PITPNM1: variants seen among roughly 807,000 people sequenced by gnomAD.
The protein encoded by PITPNM1 is phosphatidylinositol transfer protein membrane associated 1.
In PITPNM1, 74 loss-of-function variants were observed where a neutral mutation model predicts 133.3. The observed-to-expected ratio is 0.56, with a 90% confidence interval of 0.46 to 0.67. The LOEUF (loss-of-function observed/expected upper bound fraction) is 0.67. Ranked by LOEUF, PITPNM1 falls within the 30% of genes least tolerant of loss-of-function variation. The pLI is 0.00. For synonymous variants in PITPNM1, 738 were observed against 741.4 expected (o/e 1.00, Z 0.08); for missense variants, 1,398 against 1,739.5 (o/e 0.80, Z 3.49).
In PITPNM1 at chr11:67,499,777, A is replaced by G; in HGVS notation, c.1117T>C (p.Ser373Pro). ...VFPKEMTKWNSNDFIDAFASP... is the reference protein window; with the variant it reads ...VFPKEMTKWNPNDFIDAFASP... ...GCAAAGGCATCAATGAAGTCATTGG[A>G]GTTCCACTTGGTCATCTCCTTGGGG... The change falls in exon 8 of 24, where the codon TCC (serine) becomes CCC (proline). Residue 373 changes from serine (S) to proline (P), a missense_variant. Around this residue, in one of 5 missense-constraint regions of PITPNM1, gnomAD observed 195 missense variants for 178.8 expected, o/e 1.09. Transcript: ENST00000356404. 2 of 1,527,252 alleles carry G rather than the reference A, an allele frequency of 1.3e-6. No homozygotes were observed. Among genetic ancestry groups the G allele is most frequent in the Non-Finnish European group, 1.8e-6 (2 of 1,133,534 alleles). The allele number at this position is 1,527,252 out of a possible 1,614,324, so 94.6% of individuals were successfully genotyped here.
At chr11:67,505,750 G>A (rs951870470), upstream of PITPNM1, among the ~76,000 whole-genome samples, 3 of 152,206 alleles carry the variant, frequency 2.0e-5, no homozygotes, top group Non-Finnish European at 4.4e-5. This position sits in a 1 kb window ranked among gnomAD's most constrained non-coding sequence, Gnocchi z 5.8. Context: ...CCAGAAGCTG[G>A]TGGCTCTGAC....
At chr11:67,493,104 C>T (rs1375282846) in intron 22 of PITPNM1, 42 bp from the exon 23 acceptor site, 2 of 1,609,982 alleles carry the variant, frequency 1.2e-6, no homozygotes, top group Non-Finnish European at 8.5e-7. Flanking sequence ...GGGGTGGAGC[C>T]GTGCAGCTGG....
chr11:67,497,787 G>A (rs1391589556), intron 12 of PITPNM1, 108 bp from the exon 13 acceptor site: 1 of 1,514,426 alleles, frequency 6.6e-7, no homozygotes, highest in Non-Finnish European at 9.0e-7. Flanking sequence ...CAGAATTCCA[G>A]AGAAGACATG....
At position 67,495,143 on chromosome 11, in the gene PITPNM1, CG is replaced by C. The variant is rs765238973; in HGVS notation, c.2564del (p.Thr855SerfsTer24). On this transcript the variant is annotated frameshift_variant, in exon 17 of 24. Transcript: ENST00000356404. LOFTEE classifies it high-confidence loss of function. Reference sequence around the variant, plus strand: ...AGCTGGCGTGGAAGAGGTGGGGCAGCGTGACGGTGGGAAAGGCGGTGAGCGC... The same window carrying C: ...AGCTGGCGTGGAAGAGGTGGGGCAGCTGACGGTGGGAAAGGCGGTGAGCGC... ...PEALTAFPTVTLPHLFHASYW... is the reference protein window; with the variant it reads ...PEALTAFPTVXLPHLFHASYW... 4 of 1,612,388 alleles carry C rather than the reference CG, an allele frequency of 2.5e-6. No homozygotes were observed. The highest frequency in any genetic ancestry group is 3.4e-6 in the Non-Finnish European group (4 of 1,179,880).
chr11:67,493,008 C>T lies in PITPNM1; in HGVS notation c.3397G>A (p.Ala1133Thr), dbSNP rs1260633485. ...TGGCTCGGGGACAGCCCCAGCGCCG[C>T]GTATACAGCCACATCTTTGGGAGAC... ...YGSPKDVAVY[A>T]ALGLSPSQTY... Residue 1133 changes from alanine to threonine, a missense_variant, in exon 23 of 24, where the codon GCG (alanine) becomes ACG (threonine). Ala to Thr is a moderately conservative substitution (Grantham distance 58). This residue lies in a region of PITPNM1 where 233 missense variants were observed against 378.0 expected (regional missense o/e 0.62). Transcript: ENST00000356404. 3 of 1,612,986 alleles carry T rather than the reference C, an allele frequency of 1.9e-6. No individual in the cohort carries two copies. Among genetic ancestry groups the T allele is most frequent in the South Asian group, 1.1e-5 (1 of 91,090 alleles).
At chr11:67,494,443 CA>C (rs1866039911) in intron 18 of PITPNM1, 83 bp from the exon 19 acceptor site, 3 of 594,732 alleles carry the variant, frequency 5.0e-6, no homozygotes, top group Non-Finnish European at 7.8e-6. Context: ...GATCCACACG[CA>C]AACACCGGGG....
At position 67,492,064 on chromosome 11, in the gene PITPNM1, C is replaced by T; in HGVS notation, c.3704G>A (p.Ser1235Asn). 1 of 1,612,540 alleles carries T rather than the reference C, an allele frequency of 6.2e-7. No individual in the cohort carries two copies. Among genetic ancestry groups the T allele is most frequent in the Non-Finnish European group, 8.5e-7 (1 of 1,179,880 alleles). ...CTCGCTGTCCAGCTTCAGGCTGATG[C>T]TCCGTGCTTTGCCCCGTGCCAGGGT... is the stretch of plus-strand genomic sequence containing the variant. ...PTTLARGKAR[S>N]ISLKLDSEE Residue 1235 changes from serine to asparagine, a missense_variant, in exon 24 of 24, where the codon AGC becomes AAC. This residue lies in a region of PITPNM1 where 122 missense variants were observed against 123.3 expected (regional missense o/e 0.99). Transcript: ENST00000356404.
At position 67,502,750 on chromosome 11, in the gene PITPNM1, T is replaced by A. The variant is rs771922059; in HGVS notation, c.79-32A>T. The A allele has an allele frequency of 6.3e-7, 1 of 1,595,778 alleles. No homozygotes were observed. Among genetic ancestry groups the A allele is most frequent in the African/African-American group, 1.3e-5 (1 of 74,610 alleles). On this transcript the variant is annotated intron_variant, in intron 2 of 23. Coordinates refer to ENST00000356404, the MANE Select transcript of PITPNM1 (RefSeq NM_004910.3). The surrounding 1 kb of genome is among the most constrained non-coding windows in gnomAD (Gnocchi z 5.9). ...CCCAAGGGAGAGCAGGACAGGGAGC[T>A]CAGCCCCAGCTTAGCATCTGGGATC...
intron 8 of PITPNM1, 140 bp from the exon 9 acceptor site, chr11:67,499,141 C>T (rs1866232158): frequency 3.8e-6 from 3 of 784,468 alleles, no homozygotes; most frequent in Non-Finnish European, 6.0e-6. Flanking sequence ...CCCACCAACT[C>T]TCCCAGGTCA....
rs767090343 is a variant in PITPNM1, at chr11:67,493,585, T to C, written c.3167A>G (p.Gln1056Arg). 1.3e-6 allele frequency: 2 copies of C among 1,549,426 alleles called. No homozygotes were observed. Among genetic ancestry groups the C allele is most frequent in the Non-Finnish European group, 1.7e-6 (2 of 1,145,412 alleles). Residue 1056 changes from glutamine to arginine, a missense_variant, in exon 22 of 24, where the codon CAG (glutamine) becomes CGG (arginine). Gln to Arg is a conservative substitution (Grantham distance 43). Transcript: ENST00000356404. ...AGAVDVVRHWQDSGYLIVYVT... is the reference protein window; with the variant it reads ...AGAVDVVRHWRDSGYLIVYVT... The stretch of plus-strand genomic sequence containing the variant: ...ATACACGATCAGGTAGCCGGAGTCC[T>C]GCCAGTGCCTGTGGGGCGGGGGCAG...
chr11:67,502,507 G>A lies in PITPNM1; in HGVS notation c.290C>T (p.Thr97Ile). 1 of 1,613,756 alleles carries A rather than the reference G, an allele frequency of 6.2e-7. No individual in the cohort carries two copies. Among genetic ancestry groups the A allele is most frequent in the Non-Finnish European group, 8.5e-7 (1 of 1,179,998 alleles). ...CATGCCCAGCTCACCCACTCACCGGGTTCGGGTGTAGGGGTAGGCATTCCA... is the reference window on the plus strand; with the variant it reads ...CATGCCCAGCTCACCCACTCACCGGATTCGGGTGTAGGGGTAGGCATTCCA... ...ESWNAYPYTR[T>I]RYTCPFVEKF... The change falls in exon 3 of 24, where the codon ACC becomes ATC. Residue 97 changes from threonine (T) to isoleucine (I), a missense_variant. Physicochemically the swap from Thr to Ile is moderately conservative, Grantham distance 89 (BLOSUM62 -1). Around this residue, in one of 5 missense-constraint regions of PITPNM1, gnomAD observed 274 missense variants for 360.7 expected, o/e 0.76. Transcript: ENST00000356404. The surrounding 1 kb of genome is among the most constrained non-coding windows in gnomAD (Gnocchi z 5.9).
At position 67,496,258 on chromosome 11, in the gene PITPNM1, G is replaced by C. The variant is rs762099115; in HGVS notation, c.2237C>G (p.Pro746Arg). 3.2e-6 allele frequency: 5 copies of C among 1,559,044 alleles called. No individual in the cohort carries two copies. Among genetic ancestry groups the C allele is most frequent in the Non-Finnish European group, 4.3e-6 (5 of 1,160,388 alleles). ...CASRLEPLLA[P>R]KFQAIAPLTV... Reference sequence around the variant, plus strand: ...CAGTGGGGCGATGGCCTGGAACTTCGGGGCCAGCAGGGGCTCGAGGCGTGA... The same window carrying C: ...CAGTGGGGCGATGGCCTGGAACTTCCGGGCCAGCAGGGGCTCGAGGCGTGA... Residue 746 changes from proline (P) to arginine (R), a missense_variant, in exon 15 of 24, where the codon CCG becomes CGG. Physicochemically the swap from Pro to Arg is moderately radical, Grantham distance 103. Around this residue, in one of 5 missense-constraint regions of PITPNM1, gnomAD observed 574 missense variants for 698.7 expected, o/e 0.82. Coordinates refer to ENST00000356404, the MANE Select transcript of PITPNM1 (RefSeq NM_004910.3).
chr11:67,505,612 C>A (rs903415530), upstream of PITPNM1, among the ~76,000 whole-genome samples: 2 of 152,238 alleles, frequency 1.3e-5, no homozygotes, highest in Non-Finnish European at 2.9e-5. The surrounding 1 kb of genome is among the most constrained non-coding windows in gnomAD (Gnocchi z 5.8). Context: ...CACCCTAGCC[C>A]AGCCCTCCTG....
At position 67,497,885 on chromosome 11, in the gene PITPNM1, C is replaced by T. The variant is rs111825548; in HGVS notation, c.1782+32G>A. On this transcript the variant is annotated intron_variant, in intron 12 of 23. Transcript: ENST00000356404. ...CCTAGAGCCAGAGAGGGCCTTTCCG[C>T]TCCTGAGGAGGCCGGGTTTGGCTAT... The T allele has an allele frequency of 4.6e-5, 74 of 1,597,928 alleles. 2 individuals are homozygous for T. In the African/African-American group the frequency reaches 5.5e-4, roughly 12 times the overall value.
chr11:67,502,420 A>G lies in PITPNM1; in HGVS notation c.294-7T>C, dbSNP rs1292739469. 1 of 1,613,904 alleles carries G rather than the reference A, an allele frequency of 6.2e-7. No individual in the cohort carries two copies. Among genetic ancestry groups the G allele is most frequent in the Non-Finnish European group, 8.5e-7 (1 of 1,180,018 alleles). ...CACGAAAGGGCAGGTGTACCTGGGCAGAAGGCACGGGTGAGGCTCACTGCT... is the reference window on the plus strand; with the variant it reads ...CACGAAAGGGCAGGTGTACCTGGGCGGAAGGCACGGGTGAGGCTCACTGCT... On this transcript the variant is annotated splice_polypyrimidine_tract_variant and splice_region_variant and intron_variant, in intron 3 of 23. Coordinates refer to ENST00000356404, the MANE Select transcript of PITPNM1 (RefSeq NM_004910.3). The surrounding 1 kb of genome is among the most constrained non-coding windows in gnomAD (Gnocchi z 5.9).
At position 67,491,813 on chromosome 11, in the gene PITPNM1, A is replaced by T. The variant is rs1363744151; in HGVS notation, c.*220T>A. ...TTTTCATGGATTTATACACACTGGA[A>T]AAGCCTCTGCGCCCATGCCCACGCC... On this transcript the variant is annotated 3_prime_UTR_variant, in exon 24 of 24. Transcript: ENST00000356404. 1.7e-6 allele frequency: 1 copy of T among 581,888 alleles called. No homozygotes were observed. Among genetic ancestry groups the T allele is most frequent in the Non-Finnish European group, 3.0e-6 (1 of 328,760 alleles). The allele number at this position is 581,888 out of a possible 1,614,324, so 36.0% of individuals were successfully genotyped here.
chr11:67,502,057 C>G lies in PITPNM1; in HGVS notation c.445G>C (p.Ala149Pro). 6.2e-7 allele frequency: 1 copy of G among 1,613,114 alleles called. No homozygotes were observed. The highest frequency in any genetic ancestry group is 2.2e-5 in the East Asian group (1 of 44,874). Reference sequence around the variant, plus strand: ...TCTTCTGCTTTGTACTCGCCTGGGGCCACTGCATCCCGCACGATGTCGATG... The same window carrying G: ...TCTTCTGCTTTGTACTCGCCTGGGGGCACTGCATCCCGCACGATGTCGATG... The part of the protein sequence containing the change: ...DTIDIVRDAV[A>P]PGEYKAEEDP... The change falls in exon 5 of 24, where the codon GCC becomes CCC. Residue 149 changes from alanine (A) to proline (P), a missense_variant. Ala to Pro is a conservative substitution (Grantham distance 27, BLOSUM62 -1). Around this residue, in one of 5 missense-constraint regions of PITPNM1, gnomAD observed 274 missense variants for 360.7 expected, o/e 0.76. Transcript: ENST00000356404. This position sits in a 1 kb window ranked among gnomAD's most constrained non-coding sequence, Gnocchi z 5.9.
At chr11:67,496,050 G>A (rs1866109882) in intron 15 of PITPNM1, 128 bp downstream of exon 15, 6 of 896,398 alleles carry the variant, frequency 6.7e-6, no homozygotes, top group Middle Eastern at 2.5e-4. Context: ...GGGAAGGAGC[G>A]CCTGGTCCTG....
At chr11:67,494,416 G>C in intron 18 of PITPNM1, 56 bp from the exon 19 acceptor site, 1 of 1,288,954 alleles carries the variant, frequency 7.8e-7, no homozygotes, top group Non-Finnish European at 1.1e-6. Context: ...GATGCTTGGG[G>C]AGGGGGAGCG....
Sources: allele counts gnomAD v4.1 joint callset (sites outside exome capture counted in the v4.1 genomes callset), GRCh38; gene constraint gnomAD v4.1.1; regional missense constraint gnomAD v4.1.1; non-coding constraint Gnocchi (gnomAD v3.1); transcripts MANE v1.5; gene names NCBI Gene and HGNC (gene_info 2026-07-23, HGNC 2026-07-21).